MAP2: variants seen among roughly 807,000 people sequenced by gnomAD.
MAP2 encodes microtubule associated protein 2.
In MAP2, 14 loss-of-function variants were observed where a neutral mutation model predicts 137.6. The observed-to-expected ratio is 0.10, with a 90% CI of 0.07 to 0.16. MAP2 has a LOEUF of 0.16. MAP2 is among the 10% of genes least tolerant of loss of function. The pLI is 1.00. For synonymous variants in MAP2, 786 were observed against 782.3 expected (o/e 1.00, Z -0.08); for missense variants, 2,088 against 2,191.5 (o/e 0.95, Z 0.94).
intron 1 of MAP2, among the ~76,000 whole-genome samples, chr2:209,487,209 C>T (rs935517812): frequency 3.3e-5 from 5 of 152,176 alleles, no homozygotes. Flanking sequence ...TACACCTGGA[C>T]TCACCCGAGA....
intron 1 of MAP2, among the ~76,000 whole-genome samples, chr2:209,461,764 T>C (rs1702876708): frequency 6.6e-6 from 1 of 152,154 alleles, no homozygotes; most frequent in African/African-American, 2.4e-5. Flanking sequence ...AGATTCTTAA[T>C]TAATTGTTTT....
intron 3 of MAP2, among the ~76,000 whole-genome samples, chr2:209,584,510 G>T (rs547309061): frequency 6.6e-6 from 1 of 152,230 alleles, no homozygotes; most frequent in East Asian, 1.9e-4. Flanking sequence ...AATACATTGG[G>T]AGATGGCTTT....
intron 2 of MAP2, among the ~76,000 whole-genome samples, chr2:209,530,964 T>A (rs1336925123): frequency 1.3e-5 from 2 of 152,212 alleles, no homozygotes; most frequent in Non-Finnish European, 2.9e-5. Context: ...TCCTCCATGT[T>A]ACAAACAGTA....
chr2:209,656,887 A>G (rs2095183323), intron 5 of MAP2, among the ~76,000 whole-genome samples: 1 of 152,148 alleles, frequency 6.6e-6, no homozygotes, highest in Non-Finnish European at 1.5e-5. Flanking sequence ...AATAGTGAAC[A>G]TTGTACTCAA....
At chr2:209,615,789 T>A (rs1018088821) in intron 3 of MAP2, among the ~76,000 whole-genome samples, 1 of 152,206 alleles carries the variant, frequency 6.6e-6, no homozygotes, top group Non-Finnish European at 1.5e-5. Context: ...TAGTGCGCTT[T>A]CCTCTGATTT....
chr2:209,659,876 A>C (rs1452722930), intron 5 of MAP2, among the ~76,000 whole-genome samples: 3 of 152,020 alleles, frequency 2.0e-5, no homozygotes, highest in Non-Finnish European at 4.4e-5. Context: ...GTCTCTACTG[A>C]AAATAGAAAA....
intron 5 of MAP2, among the ~76,000 whole-genome samples, chr2:209,674,550 A>G (rs2050368108): frequency 6.6e-6 from 1 of 151,804 alleles, no homozygotes; most frequent in Admixed American, 6.6e-5. Context: ...TTCCTGAATT[A>G]AAGTCTGTGA....
At chr2:209,648,170 C>T (rs1372480912) in intron 4 of MAP2, among the ~76,000 whole-genome samples, 2 of 150,700 alleles carry the variant, frequency 1.3e-5, no homozygotes, top group African/African-American at 2.4e-5. Flanking sequence ...GGTGTGATCG[C>T]GGCTCACTGC....
chr2:209,460,295 TA>T (rs1702453297), intron 1 of MAP2, among the ~76,000 whole-genome samples: 2 of 152,206 alleles, frequency 1.3e-5, no homozygotes, highest in Admixed American at 6.5e-5. Context: ...TAACCGTGTT[TA>T]CAATGACGGT....
intron 3 of MAP2, among the ~76,000 whole-genome samples, chr2:209,605,436 A>G (rs2084357010): frequency 6.6e-6 from 1 of 152,224 alleles, no homozygotes. Flanking sequence ...TTGAAAAAAT[A>G]AAGTTAGATC....
intron 1 of MAP2, among the ~76,000 whole-genome samples, chr2:209,498,569 CT>C (rs2060024283): frequency 6.6e-6 from 1 of 152,364 alleles, no homozygotes; most frequent in African/African-American, 2.4e-5. Context: ...CTGCAGCAGG[CT>C]TCTGCCTGGG....
intron 7 of MAP2, among the ~76,000 whole-genome samples, chr2:209,688,022 A>G (rs2057630386): frequency 6.6e-6 from 1 of 152,080 alleles, no homozygotes; most frequent in African/African-American, 2.4e-5. Flanking sequence ...GACCACCTAC[A>G]TCATGTTAAG....
Position 209,653,326 on chromosome 2 carries a change from G to C in MAP2, c.156G>C (p.Glu52Asp), listed in dbSNP as rs987759107. The part of the protein sequence containing the change: ...VRSANGFPYR[E>D]DEEGAFGEHG... ...GCGCCAATGGATTCCCATACAGGGA[G>C]GATGAAGAGGGTGCCTTTGGAGAGC... Residue 52 changes from glutamate (E) to aspartate (D), a missense_variant, in exon 5 of 16, where the codon GAG becomes GAC. By Grantham distance (45) the Glu-to-Asp change is conservative (BLOSUM62 2). This residue lies in a region of MAP2 where 859 missense variants were observed against 794.5 expected (regional missense o/e 1.08). Coordinates refer to ENST00000682079, the MANE Select transcript of MAP2 (RefSeq NM_001375505.1). 1.9e-6 allele frequency: 3 copies of C among 1,614,046 alleles called. No individual in the cohort carries two copies. In the African/African-American group the frequency reaches 4.0e-5, roughly 22 times the overall value.
At chr2:209,561,180 A>G (rs1035975647) in intron 2 of MAP2, among the ~76,000 whole-genome samples, 3 of 152,200 alleles carry the variant, frequency 2.0e-5, no homozygotes, top group African/African-American at 4.8e-5. Context: ...AAAGACATGT[A>G]TTGTATGATT....
At chr2:209,575,401 G>T in intron 2 of MAP2, among the ~76,000 whole-genome samples, 1 of 150,544 alleles carries the variant, frequency 6.6e-6, no homozygotes. Flanking sequence ...GGTGCCTGTA[G>T]TCCCAGCTAC....
At chr2:209,639,912 A>G (rs868053126) in intron 4 of MAP2, among the ~76,000 whole-genome samples, 2 of 152,102 alleles carry the variant, frequency 1.3e-5, no homozygotes, top group African/African-American at 2.4e-5. Flanking sequence ...TGAGGGAGAC[A>G]TAGAGTAGAG....
intron 2 of MAP2, among the ~76,000 whole-genome samples, chr2:209,524,875 T>C (rs894294380): frequency 6.6e-6 from 1 of 152,112 alleles, no homozygotes; most frequent in Non-Finnish European, 1.5e-5. Context: ...GTGTTTGTTA[T>C]TTGGTTGTTG....
intron 4 of MAP2, among the ~76,000 whole-genome samples, chr2:209,627,374 T>C (rs1336419820): frequency 6.6e-6 from 1 of 152,178 alleles, no homozygotes; most frequent in African/African-American, 2.4e-5. Context: ...CTGAGAGAAG[T>C]AAATTATTTC....
intron 1 of MAP2, among the ~76,000 whole-genome samples, chr2:209,466,125 C>G (rs1704070210): frequency 6.6e-6 from 1 of 152,042 alleles, no homozygotes; most frequent in South Asian, 2.1e-4. Context: ...TTATTTAGTC[C>G]AAAGAATCAT....
Sources: gnomAD v4.1 joint callset for allele counts (sites outside exome capture counted in the v4.1 genomes callset) on GRCh38, gnomAD v4.1.1 for gene constraint, gnomAD v4.1.1 regional missense constraint, MANE v1.5 for transcripts, NCBI Gene and HGNC (gene_info 2026-07-23, HGNC 2026-07-21) for gene names.